The following GNAQ variants were observed in gnomAD, a reference collection of about 807,000 sequenced individuals.
GNAQ encodes guanine nucleotide-binding protein G(q) subunit alpha.
A neutral mutation model predicts 43.9 loss-of-function variants in GNAQ; 8 were observed. The observed-to-expected ratio is 0.18, with a 90% confidence interval of 0.11 to 0.33. The LOEUF is 0.33. Among genes scored for constraint, GNAQ ranks in the 10% least tolerant of loss-of-function variants. GNAQ has a pLI of 1.00. For missense variants in GNAQ, 158 were observed against 450.8 expected, an observed-to-expected ratio of 0.35 and a Z score of 5.88; for synonymous variants, 155 against 170.7, an observed-to-expected ratio of 0.91 and a Z score of 0.71.
intron 5 of GNAQ, among the ~76,000 whole-genome samples, chr9:77,785,789 C>A (rs1157580835): frequency 2.0e-5 from 3 of 151,984 alleles, no homozygotes; most frequent in Non-Finnish European, 4.4e-5. Context: ...GAATTTTGTA[C>A]CCCAAAATAT....
chr9:77,938,456 T>C (rs958146525), intron 1 of GNAQ, among the ~76,000 whole-genome samples: 2 of 152,154 alleles, frequency 1.3e-5, no homozygotes, highest in African/African-American at 4.8e-5. Flanking sequence ...GCACAAACAG[T>C]TCAATTTTAC....
At chr9:77,796,393 C>A (rs747776194) in intron 4 of GNAQ, among the ~76,000 whole-genome samples, 4 of 152,128 alleles carry the variant, frequency 2.6e-5, no homozygotes, top group Admixed American at 6.6e-5. Context: ...ATGGGGTGGG[C>A]GCTCCTAGAA....
chr9:77,917,575 CTT>C (rs1333016427), intron 2 of GNAQ, among the ~76,000 whole-genome samples: 3 of 151,998 alleles, frequency 2.0e-5, no homozygotes, highest in Admixed American at 6.6e-5. Flanking sequence ...GATAAAAATT[CTT>C]TCTTTTGTAA....
At chr9:78,001,435 T>C (rs1823643054) in intron 1 of GNAQ, among the ~76,000 whole-genome samples, 1 of 151,978 alleles carries the variant, frequency 6.6e-6, no homozygotes, top group Admixed American at 6.6e-5. Context: ...GCAGTGCCTC[T>C]AAGTTTGGCT....
At chr9:77,964,696 A>G (rs1823145274) in intron 1 of GNAQ, among the ~76,000 whole-genome samples, 1 of 152,160 alleles carries the variant, frequency 6.6e-6, no homozygotes, top group African/African-American at 2.4e-5. Flanking sequence ...ACCACTTCTA[A>G]GTAACACATA....
At chr9:77,899,412 T>G (rs947679663) in intron 2 of GNAQ, among the ~76,000 whole-genome samples, 1 of 152,098 alleles carries the variant, frequency 6.6e-6, no homozygotes, top group African/African-American at 2.4e-5. Context: ...CACTAATGTG[T>G]GCATGTGTTT....
At chr9:77,847,833 G>C (rs931266748) in intron 2 of GNAQ, among the ~76,000 whole-genome samples, 2 of 152,180 alleles carry the variant, frequency 1.3e-5, no homozygotes, top group Admixed American at 6.5e-5. Context: ...CAAGCTGTGT[G>C]CCTTGGTTAG....
rs1029659243 is a variant in GNAQ at position 77,720,385 on chromosome 9, A to C, written c.*938T>G. On this transcript the variant is annotated 3_prime_UTR_variant, in exon 7 of 7. Transcript: ENST00000286548. ...TGGCCCAAACACCAAGAAAAAAAAG[A>C]AAGGAAAAGCTTGAACAACAACAAC... is the stretch of plus-strand genomic sequence containing the variant. The C allele has an allele frequency of 1.3e-5, 3 of 233,474 alleles. No individual in the cohort carries two copies. The highest frequency in any genetic ancestry group is 4.4e-5 in the African/African-American group (2 of 45,332). The allele number at this position is 233,474 out of a possible 1,614,324, so 14.5% of individuals were successfully genotyped here.
intron 5 of GNAQ, among the ~76,000 whole-genome samples, chr9:77,759,727 T>C (rs115873189): frequency 0.014 from 2,110 of 152,200 alleles, 51 homozygotes; most frequent in African/African-American, 0.046. Flanking sequence ...TCTGGAAGAA[T>C]AAAAACAAAG....
At chr9:77,861,553 G>A (rs902005033) in intron 2 of GNAQ, among the ~76,000 whole-genome samples, 2 of 152,260 alleles carry the variant, frequency 1.3e-5, no homozygotes, top group East Asian at 3.9e-4. Flanking sequence ...GCGGGTACAG[G>A]CATTGGGTAA....
intron 1 of GNAQ, among the ~76,000 whole-genome samples, chr9:78,011,527 C>T (rs1054164475): frequency 4.6e-5 from 7 of 152,010 alleles, no homozygotes; most frequent in Non-Finnish European, 7.4e-5. Flanking sequence ...GAAAATGTAA[C>T]AAAATGTGCA....
At position 77,824,312 on chromosome 9, in the gene GNAQ, G is replaced by A. The variant is rs57022270; in HGVS notation, c.322-8542C>T. ...GCCTCTCTTGTTGGTTCAGATACTT[G>A]GTAAGCTTAGAACAAGGTCTGCTGA... On this transcript the variant is annotated intron_variant, in intron 2 of 6. Coordinates refer to ENST00000286548, the MANE Select transcript of GNAQ (RefSeq NM_002072.5). 6.1e-3 allele frequency among the ~76,000 whole-genome samples: 930 copies of A among 152,148 alleles called. 10 individuals carry two copies. Among genetic ancestry groups the A allele is most frequent in the African/African-American group, 0.021 (876 of 41,506 alleles).
chr9:77,784,439 T>C (rs1171424823), intron 5 of GNAQ, among the ~76,000 whole-genome samples: 1 of 152,186 alleles, frequency 6.6e-6, no homozygotes, highest in Non-Finnish European at 1.5e-5. Context: ...CGTGGTTAGG[T>C]ACAAATGTTT....
At chr9:77,966,320 T>C (rs772368559) in intron 1 of GNAQ, among the ~76,000 whole-genome samples, 1 of 152,184 alleles carries the variant, frequency 6.6e-6, no homozygotes, top group African/African-American at 2.4e-5. Context: ...TTACTGAGTA[T>C]CAATTACATC....
chr9:77,907,339 T>C (rs1828725825), intron 2 of GNAQ, among the ~76,000 whole-genome samples: 1 of 151,944 alleles, frequency 6.6e-6, no homozygotes, highest in South Asian at 2.1e-4. Flanking sequence ...GCCAGATGCA[T>C]CACTACATGC....
chr9:77,800,364 A>ACATATACAC (rs1251069447), intron 3 of GNAQ, among the ~76,000 whole-genome samples: 3 of 152,058 alleles, frequency 2.0e-5, no homozygotes, highest in South Asian at 2.1e-4. Flanking sequence ...AAAATGTGGC[A>ACATATACAC]CATATACACC....
chr9:77,874,547 G>A (rs758044278), intron 2 of GNAQ, among the ~76,000 whole-genome samples: 29 of 152,098 alleles, frequency 1.9e-4, no homozygotes, highest in Non-Finnish European at 3.4e-4. Context: ...CCTTCCCTAT[G>A]TCCCTCAAAA....
At chr9:77,986,265 A>T (rs1823434746) in intron 1 of GNAQ, among the ~76,000 whole-genome samples, 1 of 152,218 alleles carries the variant, frequency 6.6e-6, no homozygotes, top group African/African-American at 2.4e-5. Context: ...GCCTAACAGA[A>T]ACAGCCATTC....
chr9:77,843,675 G>A (rs1827528788), intron 2 of GNAQ, among the ~76,000 whole-genome samples: 1 of 152,176 alleles, frequency 6.6e-6, no homozygotes, highest in Admixed American at 6.5e-5. Context: ...GGCTTTCGAG[G>A]TGGAAGTAAA....
Sources: allele counts gnomAD v4.1 joint callset (sites outside exome capture counted in the v4.1 genomes callset), GRCh38; gene constraint gnomAD v4.1.1; transcripts MANE v1.5; gene names NCBI Gene and HGNC (gene_info 2026-07-23, HGNC 2026-07-21).